Variants in PLD1 observed in about 807,000 individuals in gnomAD.
PLD1 encodes choline phosphatase 1.
In PLD1, 112 loss-of-function variants were observed where a neutral mutation model predicts 137.1. The ratio of observed to expected loss-of-function variants is 0.82; its 90% CI spans 0.70 to 0.96. PLD1 has a LOEUF of 0.96. Among genes scored for constraint, PLD1 ranks in the 40% least tolerant of loss-of-function variants. The pLI is 0.00. For missense variants in PLD1, 1,321 were observed against 1,342.0 expected (o/e 0.98, Z 0.24); for synonymous variants, 431 against 454.7 (o/e 0.95, Z 0.66).
chr3:171,621,360 T>C (rs188108232), intron 23 of PLD1, among the ~76,000 whole-genome samples: 6 of 152,298 alleles, frequency 3.9e-5, no homozygotes, highest in African/African-American at 1.4e-4. Context: ...GCAAGTCTGA[T>C]ACCAAGAATA....
chr3:171,807,223 A>T (rs1247077679), intron 1 of PLD1, among the ~76,000 whole-genome samples: 1 of 152,120 alleles, frequency 6.6e-6, no homozygotes, highest in Non-Finnish European at 1.5e-5. Context: ...TGGGAGTATC[A>T]CTTGAGCCTA....
At chr3:171,618,720 A>ATGTGTGTGTG (rs199668732) in intron 24 of PLD1, among the ~76,000 whole-genome samples, 12 of 140,658 alleles carry the variant, frequency 8.5e-5, no homozygotes, top group Non-Finnish European at 1.1e-4. Context: ...AAAAGTGTGT[A>ATGTGTGTGTG]TGTGTGTGTG....
Position 171,602,860 on chromosome 3 carries a change from C to A in PLD1, c.*218G>T. 1 of 564,510 alleles carries A rather than the reference C, an allele frequency of 1.8e-6. No homozygotes were observed. The highest frequency in any genetic ancestry group is 3.2e-6 in the Non-Finnish European group (1 of 316,982). 35.0% of individuals were successfully genotyped at this position (564,510 alleles called of 1,614,324 possible). On this transcript the variant is annotated 3_prime_UTR_variant, in exon 27 of 27. Coordinates refer to ENST00000351298, the MANE Select transcript of PLD1 (RefSeq NM_002662.5). ...TACATGCTACCAACAAGAATGCAGC[C>A]CCCTTTTTACAAGTTAGGCAGAAGG...
intron 26 of PLD1, among the ~76,000 whole-genome samples, chr3:171,604,206 C>T (rs13318350): frequency 0.048 from 7,185 of 151,182 alleles, 420 homozygotes; most frequent in African/African-American, 0.14. Flanking sequence ...CCCAGCTACT[C>T]GGGAGGCTGA....
At chr3:171,733,010 C>A (rs890106828) in intron 6 of PLD1, among the ~76,000 whole-genome samples, 1 of 152,176 alleles carries the variant, frequency 6.6e-6, no homozygotes, top group Non-Finnish European at 1.5e-5. Context: ...ACAGGCATGA[C>A]AAACCAATCA....
Position 171,699,703 on chromosome 3 carries a change from C to CA in PLD1, c.1227+41dup, listed in dbSNP as rs779828740. ...AGAAAAGCATTTCAGAGACAACAGACAGTTAAAAAATTATATCAGCATTTT... is the reference window on the plus strand; with the variant it reads ...AGAAAAGCATTTCAGAGACAACAGACAAGTTAAAAAATTATATCAGCATTTT... On this transcript the variant is annotated intron_variant, in intron 12 of 26. Transcript: ENST00000351298. 31 of 1,356,416 alleles carry CA rather than the reference C, an allele frequency of 2.3e-5. No homozygotes were observed. The East Asian group carries it at 6.6e-4, about 29-fold the overall frequency. 84.0% of individuals were successfully genotyped at this position (1,356,416 alleles called of 1,614,324 possible). A position where few individuals can be genotyped will look rare whatever the true frequency, so the allele number is the denominator to read the frequency against.
chr3:171,749,419 C>G (rs1467610914), intron 1 of PLD1, among the ~76,000 whole-genome samples: 1 of 152,142 alleles, frequency 6.6e-6, no homozygotes, highest in Non-Finnish European at 1.5e-5. Context: ...AATAACCACA[C>G]CCAGCATCCC....
chr3:171,619,652 C>A (rs1733421627), intron 24 of PLD1, among the ~76,000 whole-genome samples: 1 of 152,196 alleles, frequency 6.6e-6, no homozygotes, highest in African/African-American at 2.4e-5. Context: ...TTTTGTACAA[C>A]TTCAGATCTG....
intron 21 of PLD1, among the ~76,000 whole-genome samples, chr3:171,645,883 CAAAAAAAAAA>C (rs1162718346): frequency 1.7e-5 from 1 of 59,204 alleles, no homozygotes; most frequent in African/African-American, 5.7e-5. Flanking sequence ...GACTCCATCT[CAAAAAAAAAA>C]AAAAAAAAAA....
In PLD1 at chr3:171,710,872, C is replaced by CTTTTTTTTTTTTTTTTTTTTTTTTT. The variant is rs774704143; in HGVS notation, c.912-1164_912-1163insAAAAAAAAAAAAAAAAAAAAAAAAA. Among the ~76,000 whole-genome samples, 114 of 98,560 alleles carry CTTTTTTTTTTTTTTTTTTTTTTTTT rather than the reference C, an allele frequency of 1.2e-3. 12 individuals are homozygous for CTTTTTTTTTTTTTTTTTTTTTTTTT. Among genetic ancestry groups the CTTTTTTTTTTTTTTTTTTTTTTTTT allele is most frequent in the African/African-American group, 1.4e-3 (30 of 21,370 alleles). 64.7% of individuals were successfully genotyped at this position (98,560 alleles called of 152,430 possible). On this transcript the variant is annotated intron_variant, in intron 9 of 26. Coordinates refer to ENST00000351298, the MANE Select transcript of PLD1 (RefSeq NM_002662.5). The stretch of plus-strand genomic sequence containing the variant: ...TTTCACTAATCATAGGAAAACTGTT[C>CTTTTTTTTTTTTTTTTTTTTTTTTT]TTTTTTTTTTTTTTTTTTTGAGACG...
rs553412764 is a variant in PLD1 at position 171,606,020 on chromosome 3, T to C, written c.2883-604A>G. 3.3e-5 allele frequency among the ~76,000 whole-genome samples: 5 copies of C among 152,286 alleles called. No homozygotes were observed. In the South Asian group the frequency reaches 1.0e-3, roughly 32 times the overall value. ...TACATATTAAAATACGGCTGCTGTA[T>C]TGAGAACACACTCTGGGGGGCAAGG... On this transcript the variant is annotated intron_variant, in intron 25 of 26. Transcript: ENST00000351298.
Position 171,636,394 on chromosome 3 carries a change from T to G in PLD1, c.2593+6446A>C, listed in dbSNP as rs370293180. 4.6e-5 allele frequency among the ~76,000 whole-genome samples: 7 copies of G among 152,154 alleles called. No individual in the cohort carries two copies. The East Asian group carries it at 7.7e-4, about 17-fold the overall frequency. On this transcript the variant is annotated intron_variant, in intron 23 of 26. Coordinates refer to ENST00000351298, the MANE Select transcript of PLD1 (RefSeq NM_002662.5). ...ACTGCCATCTTAACAATGCTAAGTC[T>G]TTCAATCCATTAACACAGAGTATTT... is the stretch of plus-strand genomic sequence containing the variant.
At chr3:171,774,635 G>A (rs1468514653) in intron 1 of PLD1, among the ~76,000 whole-genome samples, 1 of 152,230 alleles carries the variant, frequency 6.6e-6, no homozygotes, top group Non-Finnish European at 1.5e-5. Context: ...GCACAGGCCA[G>A]TGCTGTAAGA....
rs1733779710 is a variant in PLD1, at chr3:171,623,206, A to T, written c.2594-2686T>A. ...TAATGTAATGGTAAAAATGCCAACA[A>T]GTTCTCATGGAGTTAGATAACCTGT... On this transcript the variant is annotated intron_variant, in intron 23 of 26. Transcript: ENST00000351298. Among the ~76,000 whole-genome samples the T allele has an allele frequency of 2.0e-5, 3 of 152,148 alleles. No homozygotes were observed. The South Asian group carries it at 6.2e-4, about 32-fold the overall frequency.
In PLD1 at chr3:171,680,242, CTTTTTTTTTTT is replaced by C. The variant is rs571538714; in HGVS notation, c.1868-2559_1868-2549del. The stretch of plus-strand genomic sequence containing the variant: ...GTCTTTTTGTTTTCTTTTTCTTCCT[CTTTTTTTTTTT>C]TTTTTTTTTTTTTTTGAGACTGGAG... On this transcript the variant is annotated intron_variant, in intron 16 of 26. Transcript: ENST00000351298. 6.8e-5 allele frequency among the ~76,000 whole-genome samples: 7 copies of C among 102,906 alleles called. No individual in the cohort carries two copies. In the East Asian group the frequency reaches 9.1e-4, roughly 13 times the overall value. The allele number at this position is 102,906 out of a possible 152,430, so 67.5% of individuals were successfully genotyped here. A position where few individuals can be genotyped will look rare whatever the true frequency, so the allele number is the denominator to read the frequency against.
At chr3:171,668,769 C>T (rs1712425793) in intron 19 of PLD1, among the ~76,000 whole-genome samples, 1 of 152,146 alleles carries the variant, frequency 6.6e-6, no homozygotes, top group South Asian at 2.1e-4. Flanking sequence ...TGTGTTGACC[C>T]CATGTTGATG....
intron 21 of PLD1, among the ~76,000 whole-genome samples, chr3:171,648,920 A>C (rs1578186043): frequency 6.6e-6 from 1 of 152,286 alleles, no homozygotes; most frequent in Admixed American, 6.5e-5. Flanking sequence ...TTAATATTTA[A>C]ACCAGTTCTT....
At chr3:171,637,041 TG>T (rs1735188042) in intron 23 of PLD1, among the ~76,000 whole-genome samples, 1 of 152,248 alleles carries the variant, frequency 6.6e-6, no homozygotes, top group African/African-American at 2.4e-5. Context: ...GTGTGGTTTT[TG>T]TCCTTTGTTC....
chr3:171,677,094 G>T (rs530982904), intron 17 of PLD1, among the ~76,000 whole-genome samples: 2 of 152,270 alleles, frequency 1.3e-5, no homozygotes, highest in South Asian at 4.2e-4. Flanking sequence ...ATGTGAGTTG[G>T]TACAAATTAT....
Sources: allele counts gnomAD v4.1 joint callset (sites outside exome capture counted in the v4.1 genomes callset), GRCh38; gene constraint gnomAD v4.1.1; transcripts MANE v1.5; gene names NCBI Gene and HGNC (gene_info 2026-07-23, HGNC 2026-07-21).